Variants in KALRN observed in about 807,000 individuals in gnomAD.
KALRN encodes the protein kalirin RhoGEF kinase.
A neutral mutation model predicts 353.7 loss-of-function variants in KALRN; 70 were observed. The observed-to-expected ratio is 0.20, with a 90% CI of 0.16 to 0.24. The LOEUF is 0.24. Among genes scored for constraint, KALRN ranks in the 10% least tolerant of loss-of-function variants. The pLI, the probability that KALRN is intolerant of heterozygous loss-of-function variation, is 1.00. For synonymous variants in KALRN, 1,391 were observed against 1,434.8 expected (o/e 0.97, Z 0.69); for missense variants, 2,791 against 3,756.7 (o/e 0.74, Z 6.72).
At chr3:124,304,237 TA>T (rs1324781210) in intron 6 of KALRN, among the ~76,000 whole-genome samples, 1 of 152,212 alleles carries the variant, frequency 6.6e-6, no homozygotes, top group South Asian at 2.1e-4. Flanking sequence ...GAACTTGTTT[TA>T]AAAAAATGAA....
At chr3:124,090,483 G>T (rs1333836047) in intron 1 of KALRN, among the ~76,000 whole-genome samples, 1 of 152,218 alleles carries the variant, frequency 6.6e-6, no homozygotes, top group African/African-American at 2.4e-5. Context: ...AAGGCTTTCT[G>T]GAGCCTGTGG....
At chr3:124,076,606 C>G (rs1322859325) in intron 1 of KALRN, among the ~76,000 whole-genome samples, 2 of 152,212 alleles carry the variant, frequency 1.3e-5, no homozygotes, top group Non-Finnish European at 2.9e-5. Flanking sequence ...GTCCCCAACT[C>G]CTGAGTCTTG....
intron 1 of KALRN, among the ~76,000 whole-genome samples, chr3:124,044,416 A>G (rs2040237701): frequency 1.3e-5 from 2 of 152,170 alleles, no homozygotes; most frequent in Admixed American, 6.5e-5. Context: ...ACTTTGTGCA[A>G]GTTATAACCA....
intron 21 of KALRN, among the ~76,000 whole-genome samples, chr3:124,453,506 G>A (rs2059003474): frequency 6.6e-6 from 1 of 152,192 alleles, no homozygotes; most frequent in African/African-American, 2.4e-5. Flanking sequence ...GGCCTGGAAG[G>A]AGCAGATGGG....
At chr3:124,448,773 T>A (rs529913186) in intron 21 of KALRN, among the ~76,000 whole-genome samples, 1 of 152,236 alleles carries the variant, frequency 6.6e-6, no homozygotes, top group Non-Finnish European at 1.5e-5. Context: ...ATTGCCTATA[T>A]AAGCCGACAG....
At chr3:124,641,015 C>A (rs374952448) in intron 37 of KALRN, among the ~76,000 whole-genome samples, 1 of 152,120 alleles carries the variant, frequency 6.6e-6, no homozygotes, top group Non-Finnish European at 1.5e-5. Context: ...CTTTAGAATT[C>A]GTTTGGCTCC....
At chr3:124,188,754 GC>G (rs1224949986) in intron 1 of KALRN, among the ~76,000 whole-genome samples, 1 of 152,188 alleles carries the variant, frequency 6.6e-6, no homozygotes, top group Admixed American at 6.5e-5. Flanking sequence ...TTTCATGGAT[GC>G]TGGCAGAAGT....
intron 1 of KALRN, chr3:124,094,640 C>T (rs1267653538): frequency 3.2e-6 from 2 of 630,310 alleles, no homozygotes; most frequent in African/African-American, 1.8e-5. Flanking sequence ...GCACTTGTTC[C>T]TTTGTTGCTG....
At chr3:124,171,769 T>C (rs1199408982) in intron 1 of KALRN, among the ~76,000 whole-genome samples, 1 of 152,218 alleles carries the variant, frequency 6.6e-6, no homozygotes, top group Non-Finnish European at 1.5e-5. Context: ...GAGGAATTCC[T>C]GCCTGTGGAG....
intron 34 of KALRN, among the ~76,000 whole-genome samples, chr3:124,601,185 A>T (rs1420537707): frequency 6.6e-6 from 1 of 152,130 alleles, no homozygotes; most frequent in African/African-American, 2.4e-5. Flanking sequence ...TCTATCCCTG[A>T]GGGTGGTTGT....
chr3:124,187,982 C>T (rs761573716), intron 1 of KALRN, among the ~76,000 whole-genome samples: 1 of 152,110 alleles, frequency 6.6e-6, no homozygotes, highest in Non-Finnish European at 1.5e-5. Context: ...ATGGAATCTC[C>T]TAGGGAAACA....
intron 5 of KALRN, among the ~76,000 whole-genome samples, chr3:124,275,093 T>A (rs1560432357): frequency 6.6e-6 from 1 of 152,222 alleles, no homozygotes; most frequent in Non-Finnish European, 1.5e-5. Flanking sequence ...TTCTTCTGCT[T>A]CCACACTGCA....
chr3:124,137,766 G>C (rs891142982), intron 1 of KALRN, among the ~76,000 whole-genome samples: 1 of 152,118 alleles, frequency 6.6e-6, no homozygotes, highest in Non-Finnish European at 1.5e-5. Flanking sequence ...GGACTACTGA[G>C]GTCTAGAGAA....
intron 1 of KALRN, among the ~76,000 whole-genome samples, chr3:124,065,819 T>C (rs183463259): frequency 6.6e-6 from 1 of 152,286 alleles, no homozygotes; most frequent in Admixed American, 6.5e-5. Context: ...TAGATCAGTA[T>C]CTAGTCCATA....
At chr3:124,594,698 C>A (rs900223863) in intron 34 of KALRN, among the ~76,000 whole-genome samples, 2 of 152,188 alleles carry the variant, frequency 1.3e-5, no homozygotes, top group Non-Finnish European at 2.9e-5. Context: ...CAGACTAATT[C>A]TTGTCCTGGG....
chr3:124,244,869 T>G (rs1173505775), intron 3 of KALRN, among the ~76,000 whole-genome samples: 1 of 152,140 alleles, frequency 6.6e-6, no homozygotes, highest in Non-Finnish European at 1.5e-5. Context: ...TTTTAAAAAT[T>G]GATACATAAT....
rs532040412 is a variant in KALRN at position 124,147,993 on chromosome 3, G to A, written c.74-79997G>A. On this transcript the variant is annotated intron_variant, in intron 1 of 59. Coordinates refer to ENST00000682506, the MANE Select transcript of KALRN (RefSeq NM_001388419.1). ...GTGTTGTGGGGCCTTTAGTGAGGAA[G>A]AAGGGTGAGATTTGTCTGTCCCCTA... Among the ~76,000 whole-genome samples the A allele has an allele frequency of 3.9e-5, 6 of 152,314 alleles. No individual in the cohort carries two copies. The East Asian group carries it at 9.6e-4, about 24-fold the overall frequency.
chr3:124,716,535 A>G (rs2063142351), intron 58 of KALRN, among the ~76,000 whole-genome samples: 1 of 152,104 alleles, frequency 6.6e-6, no homozygotes, highest in South Asian at 2.1e-4. Flanking sequence ...AACAAAACAA[A>G]CAAACAACAA....
intron 1 of KALRN, among the ~76,000 whole-genome samples, chr3:124,134,601 G>T (rs1037264773): frequency 6.6e-6 from 1 of 152,116 alleles, no homozygotes; most frequent in Non-Finnish European, 1.5e-5. Flanking sequence ...CCACTGAGTG[G>T]GAGAAAATCT....
Sources: allele counts gnomAD v4.1 joint callset (sites outside exome capture counted in the v4.1 genomes callset), GRCh38; gene constraint gnomAD v4.1.1; transcripts MANE v1.5; gene names NCBI Gene and HGNC (gene_info 2026-07-23, HGNC 2026-07-21).